Variants in LRRC4C observed in about 807,000 individuals in gnomAD.
LRRC4C encodes the protein leucine-rich repeat-containing protein 4C.
In LRRC4C, 5 loss-of-function variants were observed where a neutral mutation model predicts 33.6. The observed-to-expected ratio is 0.15, with a 90% CI of 0.08 to 0.31. The LOEUF (loss-of-function observed/expected upper bound fraction) is 0.31, where lower values mean the gene tolerates loss of function less well. Among genes scored for constraint, LRRC4C ranks in the 10% least tolerant of loss-of-function variants. The probability of loss-of-function intolerance (pLI) is 1.00; values close to 1 mark genes in which losing one functional copy is unlikely to be tolerated. For missense variants in LRRC4C, 560 were observed against 796.7 expected (o/e 0.70, Z 3.58); for synonymous variants, 329 against 302.0 (o/e 1.09, Z -0.93).
intron 1 of LRRC4C, among the ~76,000 whole-genome samples, chr11:41,344,500 G>A (rs1171478135): frequency 6.6e-6 from 1 of 152,124 alleles, no homozygotes; most frequent in Non-Finnish European, 1.5e-5. Context: ...GATTACAGGC[G>A]TGAGCCACCG....
intron 1 of LRRC4C, among the ~76,000 whole-genome samples, chr11:41,260,585 G>A (rs1366271285): frequency 2.6e-5 from 4 of 151,510 alleles, no homozygotes; most frequent in Admixed American, 2.0e-4. Context: ...TATATATAAT[G>A]TGTATATATA....
chr11:40,373,781 C>A (rs1948554412), intron 3 of LRRC4C, among the ~76,000 whole-genome samples: 1 of 152,142 alleles, frequency 6.6e-6, no homozygotes, highest in African/African-American at 2.4e-5. Flanking sequence ...CTCTTACTTC[C>A]TCTCTCACAA....
intron 1 of LRRC4C, among the ~76,000 whole-genome samples, chr11:40,981,945 A>G (rs1303967793): frequency 6.6e-6 from 1 of 152,232 alleles, no homozygotes; most frequent in Non-Finnish European, 1.5e-5. Context: ...TAATATTTTT[A>G]AAGAAAGGAA....
At chr11:40,309,918 T>C (rs1437293732) in intron 4 of LRRC4C, among the ~76,000 whole-genome samples, 1 of 152,160 alleles carries the variant, frequency 6.6e-6, no homozygotes, top group Non-Finnish European at 1.5e-5. Flanking sequence ...TGTGGAAGCA[T>C]GCCAGAGGCC....
intron 3 of LRRC4C, among the ~76,000 whole-genome samples, chr11:40,350,847 A>T (rs1315858232): frequency 6.6e-6 from 1 of 151,806 alleles, no homozygotes; most frequent in African/African-American, 2.4e-5. Flanking sequence ...TTTTACTTGT[A>T]GCTAGTGCAA....
chr11:40,371,119 C>T (rs1948431433), intron 3 of LRRC4C, among the ~76,000 whole-genome samples: 1 of 152,198 alleles, frequency 6.6e-6, no homozygotes, highest in East Asian at 1.9e-4. Flanking sequence ...AAAACACTCA[C>T]TTTATAGGAA....
At chr11:40,700,307 T>C (rs1945806228) in intron 2 of LRRC4C, among the ~76,000 whole-genome samples, 1 of 152,120 alleles carries the variant, frequency 6.6e-6, no homozygotes, top group Non-Finnish European at 1.5e-5. Flanking sequence ...GTTTTTATTG[T>C]ATTTTTTCAT....
chr11:40,512,499 T>G (rs1405061334), intron 3 of LRRC4C, among the ~76,000 whole-genome samples: 3 of 152,196 alleles, frequency 2.0e-5, no homozygotes, highest in Non-Finnish European at 4.4e-5. Context: ...CAGTTATTTT[T>G]CTGGTCTCAC....
At chr11:40,836,406 C>T (rs1281315418) in intron 2 of LRRC4C, among the ~76,000 whole-genome samples, 1 of 152,074 alleles carries the variant, frequency 6.6e-6, no homozygotes, top group Admixed American at 6.6e-5. Context: ...ATATCATATG[C>T]TCTGATATTG....
At chr11:40,765,262 C>T (rs558428405) in intron 2 of LRRC4C, among the ~76,000 whole-genome samples, 47 of 152,198 alleles carry the variant, frequency 3.1e-4, no homozygotes, top group Non-Finnish European at 5.0e-4. Context: ...TGAGTTATCA[C>T]AAGTTGTGAT....
chr11:40,309,193 T>C (rs1228163835), intron 4 of LRRC4C, among the ~76,000 whole-genome samples: 1 of 152,232 alleles, frequency 6.6e-6, no homozygotes, highest in Non-Finnish European at 1.5e-5. Flanking sequence ...CACCCTGCCA[T>C]CAGTAAACAC....
chr11:40,815,628 C>T (rs1442830721), intron 2 of LRRC4C, among the ~76,000 whole-genome samples: 2 of 152,088 alleles, frequency 1.3e-5, no homozygotes, highest in African/African-American at 4.8e-5. Flanking sequence ...CTGCCTCTTC[C>T]ATGAGCTGAT....
At chr11:40,363,302 A>T (rs1948050650) in intron 3 of LRRC4C, among the ~76,000 whole-genome samples, 1 of 152,184 alleles carries the variant, frequency 6.6e-6, no homozygotes, top group Non-Finnish European at 1.5e-5. Flanking sequence ...AAACTAACGC[A>T]AGAACAAAAA....
intron 2 of LRRC4C, among the ~76,000 whole-genome samples, chr11:40,868,793 G>T (rs113356231): frequency 2.2e-3 from 332 of 152,242 alleles, no homozygotes; most frequent in Non-Finnish European, 4.4e-3. Context: ...AAACTATGTT[G>T]TTCATAATAT....
intron 6 of LRRC4C, among the ~76,000 whole-genome samples, chr11:40,137,024 G>C (rs1211405504): frequency 3.3e-5 from 5 of 152,088 alleles, no homozygotes; most frequent in Non-Finnish European, 7.4e-5. Flanking sequence ...CTAATAATAA[G>C]GCAAGTATAA....
At position 40,672,237 on chromosome 11, in the gene LRRC4C, C is replaced by T. The variant is rs77208606; in HGVS notation, c.-406-23959G>A. 9.2e-3 allele frequency among the ~76,000 whole-genome samples: 1,404 copies of T among 152,240 alleles called. 21 individuals carry two copies. Among genetic ancestry groups the T allele is most frequent in the African/African-American group, 0.031 (1,301 of 41,548 alleles). ...ATGATGCCCTCTCACTGTGTCCTCT[C>T]ATGGTGGGAGGAGTGAGGGTTCTCT... On this transcript the variant is annotated intron_variant, in intron 2 of 6. Transcript: ENST00000528697.
intron 2 of LRRC4C, among the ~76,000 whole-genome samples, chr11:40,892,000 T>C (rs1955732263): frequency 1.3e-5 from 2 of 151,646 alleles, no homozygotes; most frequent in African/African-American, 2.4e-5. Flanking sequence ...CCGGGCGTGG[T>C]GGTGGGCACC....
intron 2 of LRRC4C, among the ~76,000 whole-genome samples, chr11:40,816,499 T>C (rs1177339455): frequency 1.3e-5 from 2 of 152,210 alleles, no homozygotes; most frequent in Non-Finnish European, 2.9e-5. Context: ...TGTTATGTTG[T>C]GTGCAAAAAG....
intron 3 of LRRC4C, among the ~76,000 whole-genome samples, chr11:40,420,102 A>T (rs2137730913): frequency 6.6e-6 from 1 of 152,340 alleles, no homozygotes. Context: ...AAATGAAAGG[A>T]ATGAATAATT....
Sources: gnomAD v4.1 joint callset for allele counts (sites outside exome capture counted in the v4.1 genomes callset) on GRCh38, gnomAD v4.1.1 for gene constraint, MANE v1.5 for transcripts, NCBI Gene and HGNC (gene_info 2026-07-23, HGNC 2026-07-21) for gene names.